GTF3C2: variants seen among roughly 807,000 people sequenced by gnomAD.
GTF3C2 encodes general transcription factor IIIC subunit 2, also known as general transcription factor 3C polypeptide 2.
Under a neutral mutation model 117.4 loss-of-function variants are expected in GTF3C2, and 17 were observed. That is an observed-to-expected ratio of 0.14 (90% CI 0.10 to 0.22). The LOEUF is 0.22. GTF3C2 is among the 10% of genes least tolerant of loss of function. GTF3C2 has a pLI of 1.00. For missense variants in GTF3C2, 888 were observed against 1,143.6 expected, an observed-to-expected ratio of 0.78 and a Z score of 3.22; for synonymous variants, 437 against 427.0, an observed-to-expected ratio of 1.02 and a Z score of -0.29.
chr2:27,339,106 A>T, intron 4 of GTF3C2, among the ~76,000 whole-genome samples: 1 of 152,130 alleles, frequency 6.6e-6, no homozygotes, highest in African/African-American at 2.4e-5. Flanking sequence ...AAAAACAGTA[A>T]TCAGTTGAAA....
intron 1 of GTF3C2, among the ~76,000 whole-genome samples, chr2:27,352,521 T>C (rs2148343438): frequency 6.6e-6 from 1 of 152,304 alleles, no homozygotes; most frequent in Non-Finnish European, 1.5e-5. Context: ...AATTAGTTTA[T>C]CCATTTCTTT....
At position 27,341,858 on chromosome 2, in the gene GTF3C2, A is replaced by G. The variant is rs74372996; in HGVS notation, c.855+90T>C. 1,404 of 1,101,416 alleles carry G rather than the reference A, an allele frequency of 1.3e-3. 13 individuals are homozygous for G. In the African/African-American group the frequency reaches 0.019, roughly 15 times the overall value. 68.2% of individuals were successfully genotyped at this position (1,101,416 alleles called of 1,614,324 possible). ...ACCTGTTTTGTCTATTATAGTTACC[A>G]GGTCAAAGCTGTCCTTCCTTTCTCA... On this transcript the variant is annotated intron_variant, in intron 4 of 18. Transcript: ENST00000264720.
At chr2:27,336,173 A>G in intron 8 of GTF3C2, 25 bp downstream of exon 8, 3 of 1,562,240 alleles carry the variant, frequency 1.9e-6, no homozygotes, top group Admixed American at 1.7e-5. Context: ...CCACCCTCCC[A>G]TGGCAGTGTC....
intron 18 of GTF3C2, 25 bp downstream of exon 18, chr2:27,327,152 G>A (rs1242667439): frequency 8.2e-7 from 1 of 1,218,844 alleles, no homozygotes. Flanking sequence ...AATGAGAGTG[G>A]AGGGTGGAGA....
chr2:27,334,828 C>G (rs534992583), intron 10 of GTF3C2, among the ~76,000 whole-genome samples: 5 of 151,952 alleles, frequency 3.3e-5, no homozygotes, highest in African/African-American at 1.2e-4. Flanking sequence ...ATTTTTTTGT[C>G]GAGACGACAT....
intron 1 of GTF3C2, chr2:27,356,356 C>A (rs1176550027): frequency 6.1e-6 from 2 of 330,066 alleles, no homozygotes; most frequent in Non-Finnish European, 1.2e-5. Context: ...CAGTCCTGGG[C>A]GTGAAGGTAG....
intron 1 of GTF3C2, among the ~76,000 whole-genome samples, chr2:27,352,383 G>C (rs1420866762): frequency 2.6e-5 from 4 of 152,152 alleles, no homozygotes; most frequent in Non-Finnish European, 5.9e-5. Context: ...AAGCCGTTAG[G>C]TGGGAGATAC....
chr2:27,340,564 C>T (rs1054999863), intron 4 of GTF3C2: 1 of 151,964 alleles, frequency 6.6e-6, no homozygotes, highest in Non-Finnish European at 1.5e-5. Flanking sequence ...TGCCCCCTCC[C>T]TGCTCTTCTC....
In GTF3C2 at chr2:27,338,221, C is replaced by A. The variant is rs953922373; in HGVS notation, c.856-201G>T. ...CTGCTCTACTCCTCCATCGAAAATG[C>A]AAAATCTGTTACCTATTTTCTGTTC... On this transcript the variant is annotated intron_variant, in intron 4 of 18. Coordinates refer to ENST00000264720, the Ensembl canonical transcript of GTF3C2. 19 of 566,198 alleles carry A rather than the reference C, an allele frequency of 3.4e-5. 1 individual carries two copies. The highest frequency in any genetic ancestry group is 2.3e-4 in the African/African-American group (12 of 52,992). 35.1% of individuals were successfully genotyped at this position (566,198 alleles called of 1,614,324 possible).
At position 27,353,048 on chromosome 2, in the gene GTF3C2, CTTT is replaced by C. The variant is rs371483771; in HGVS notation, c.-25+3688_-25+3690del. 7.7e-3 allele frequency among the ~76,000 whole-genome samples: 1,178 copies of C among 152,214 alleles called. 10 individuals carry two copies. The highest frequency in any genetic ancestry group is 0.027 in the African/African-American group (1,119 of 41,540). On this transcript the variant is annotated intron_variant, in intron 1 of 18. Transcript: ENST00000264720. ...ATTTAGTTTTAGTTTGCTTCCTTTA[CTTT>C]TTTAGAATTGTTTTCACAAAACTTT...
Position 27,334,867 on chromosome 2 carries a change from A to T in GTF3C2, c.1576+731T>A, listed in dbSNP as rs200829954. On this transcript the variant is annotated intron_variant, in intron 10 of 18. Coordinates refer to ENST00000264720, the Ensembl canonical transcript of GTF3C2. ...ATTATATTGCCCCAGCTGGTCTCAA[A>T]CTCCTAGGCTCAAGCAATCCTCCCA... Among the ~76,000 whole-genome samples the T allele has an allele frequency of 2.5e-4, 38 of 151,906 alleles. No homozygotes were observed. The East Asian group carries it at 7.0e-3, about 28-fold the overall frequency.
chr2:27,343,247 T>G, intron 2 of GTF3C2, 61 bp downstream of exon 2: 1 of 1,562,522 alleles, frequency 6.4e-7, no homozygotes, highest in African/African-American at 1.4e-5. Context: ...ATGAGCTCAA[T>G]CTGCTCTTTC....
chr2:27,343,601 G>C (rs1171376529), intron 1 of GTF3C2, 23 bp from the exon 2 acceptor site: 4 of 1,596,898 alleles, frequency 2.5e-6, no homozygotes, highest in Non-Finnish European at 3.4e-6. Flanking sequence ...ACACACAAAT[G>C]AGTAGAGGAC....
intron 4 of GTF3C2, among the ~76,000 whole-genome samples, chr2:27,339,404 C>T (rs1180269612): frequency 1.4e-4 from 18 of 128,284 alleles, no homozygotes; most frequent in Admixed American, 3.3e-4. Flanking sequence ...AGCGAAACTC[C>T]GTCTCAAAAA....
Position 27,337,763 on chromosome 2 carries a change from A to G in GTF3C2, c.950+163T>C, listed in dbSNP as rs545736261. 1.1e-4 allele frequency: 79 copies of G among 699,490 alleles called. No homozygotes were observed. In the South Asian group the frequency reaches 1.3e-3, roughly 11 times the overall value. 43.3% of individuals were successfully genotyped at this position (699,490 alleles called of 1,614,324 possible). A position where few individuals can be genotyped will look rare whatever the true frequency, so the allele number is the denominator to read the frequency against. ...TCATTTTATTTCACTTTAATTAAAGAGTTCTAGAGCTCTTGCCTCTAGAGC... is the reference window on the plus strand; with the variant it reads ...TCATTTTATTTCACTTTAATTAAAGGGTTCTAGAGCTCTTGCCTCTAGAGC... On this transcript the variant is annotated intron_variant, in intron 5 of 18. Transcript: ENST00000264720.
Position 27,329,046 on chromosome 2 carries a change from C to T in GTF3C2, c.2039+75G>A, listed in dbSNP as rs770603567. 203 of 1,543,300 alleles carry T rather than the reference C, an allele frequency of 1.3e-4. No homozygotes were observed. The highest frequency in any genetic ancestry group is 1.8e-4 in the Non-Finnish European group (201 of 1,116,774). On this transcript the variant is annotated intron_variant, in intron 14 of 18. Transcript: ENST00000264720. The surrounding 1 kb of genome is among the most constrained non-coding windows in gnomAD (Gnocchi z 4.5). Reference sequence around the variant, plus strand: ...AACCAACTCTCTACCCTCCTCTCCCCACAACAATCTGGCATGCTTTGCATT... The same window carrying T: ...AACCAACTCTCTACCCTCCTCTCCCTACAACAATCTGGCATGCTTTGCATT...
At chr2:27,328,280 G>T in intron 16 of GTF3C2, 91 bp from the exon 17 acceptor site, 1 of 1,105,110 alleles carries the variant, frequency 9.0e-7, no homozygotes, top group Non-Finnish European at 1.3e-6. Flanking sequence ...GCTTAAAGAT[G>T]GAAAAAAGTA....
intron 4 of GTF3C2, chr2:27,341,742 T>C (rs1364571059): frequency 1.0e-5 from 6 of 575,428 alleles, no homozygotes; most frequent in Middle Eastern, 9.2e-4. Context: ...AGATACTCAA[T>C]ATATGAATGA....
At chr2:27,340,195 G>T (rs146851787) in intron 4 of GTF3C2, 2 of 151,962 alleles carry the variant, frequency 1.3e-5, no homozygotes, top group Non-Finnish European at 2.9e-5. Flanking sequence ...TTATGTGAGA[G>T]AACACAGAAA....
Sources: allele counts gnomAD v4.1 joint callset (sites outside exome capture counted in the v4.1 genomes callset), GRCh38; gene constraint gnomAD v4.1.1; non-coding constraint Gnocchi (gnomAD v3.1); transcripts MANE v1.5; gene names NCBI Gene and HGNC (gene_info 2026-07-23, HGNC 2026-07-21).